Variants in FGF7 observed in about 807,000 individuals in gnomAD.
FGF7 encodes fibroblast growth factor 7.
Under a neutral mutation model 20.5 loss-of-function variants are expected in FGF7, and 6 were observed. The observed-to-expected ratio is 0.29, with a 90% CI of 0.16 to 0.58. The LOEUF is 0.58. FGF7 is among the 20% of genes least tolerant of loss of function. The probability of loss-of-function intolerance (pLI) is 0.90; values close to 1 mark genes in which losing one functional copy is unlikely to be tolerated. For synonymous variants in FGF7, 64 were observed against 74.7 expected (o/e 0.86, Z 0.74); for missense variants, 144 against 228.8 (o/e 0.63, Z 2.39).
intron 2 of FGF7, among the ~76,000 whole-genome samples, chr15:49,479,700 G>A (rs540654520): frequency 5.5e-5 from 7 of 127,168 alleles, no homozygotes; most frequent in African/African-American, 1.7e-4. Context: ...TGCAACCTCC[G>A]CCTCCCAGGT....
chr15:49,432,020 C>T (rs529842255), intron 2 of FGF7, among the ~76,000 whole-genome samples: 20 of 151,428 alleles, frequency 1.3e-4, no homozygotes, highest in Non-Finnish European at 2.2e-4. Context: ...GATTTTGTGC[C>T]GAAAACTGTA....
At chr15:49,476,239 T>C (rs1597439857) in intron 2 of FGF7, among the ~76,000 whole-genome samples, 1 of 149,344 alleles carries the variant, frequency 6.7e-6, no homozygotes, top group Admixed American at 6.7e-5. Context: ...TTGGTTTTTT[T>C]TTTTTTGCAT....
intron 2 of FGF7, among the ~76,000 whole-genome samples, chr15:49,479,699 C>T (rs1369646215): frequency 4.6e-4 from 69 of 149,498 alleles, no homozygotes; most frequent in African/African-American, 1.6e-3. Context: ...CTGCAACCTC[C>T]GCCTCCCAGG....
Position 49,476,232 on chromosome 15 carries a change from GT to G in FGF7, c.287-6906del. 7.8e-4 allele frequency among the ~76,000 whole-genome samples: 45 copies of G among 57,442 alleles called. 1 individual carries two copies. Among genetic ancestry groups the G allele is most frequent in the Middle Eastern group, 9.8e-3 (1 of 102 alleles). The allele number at this position is 57,442 out of a possible 152,430, so 37.7% of individuals were successfully genotyped here. On this transcript the variant is annotated intron_variant, in intron 2 of 3. Transcript: ENST00000267843. The stretch of plus-strand genomic sequence containing the variant: ...TTGCTGTTTTGTTTTTTTGTTTTTG[GT>G]TTTTTTTTTTTTGCATTTGGCATAT...
rs1223453078 is a variant in FGF7 at position 49,487,535 on chromosome 15, A to G, written c.*3031A>G. Reference sequence around the variant, plus strand: ...CTGGAGGTAAATTCTTAGGGTTTCTATCTCATAGAGTTTGCTCTTCTGGTT... The same window carrying G: ...CTGGAGGTAAATTCTTAGGGTTTCTGTCTCATAGAGTTTGCTCTTCTGGTT... On this transcript the variant is annotated 3_prime_UTR_variant, in exon 4 of 4. Coordinates refer to ENST00000267843, the MANE Select transcript of FGF7 (RefSeq NM_002009.4). 6.6e-6 allele frequency: 1 copy of G among 152,028 alleles called. No homozygotes were observed. Among genetic ancestry groups the G allele is most frequent in the East Asian group, 1.9e-4 (1 of 5,180 alleles). 9.4% of individuals were successfully genotyped at this position (152,028 alleles called of 1,614,324 possible).
intron 2 of FGF7, among the ~76,000 whole-genome samples, chr15:49,432,500 T>C (rs1268094796): frequency 6.6e-6 from 1 of 151,692 alleles, no homozygotes; most frequent in Non-Finnish European, 1.5e-5. Flanking sequence ...ACACTCCTCC[T>C]CTCCCTCACC....
intron 2 of FGF7, among the ~76,000 whole-genome samples, chr15:49,443,911 T>C (rs572641684): frequency 1.5e-5 from 2 of 136,658 alleles, no homozygotes; most frequent in South Asian, 4.6e-4. Context: ...TGTACACTTT[T>C]TTTCCCTGAG....
intron 2 of FGF7, among the ~76,000 whole-genome samples, chr15:49,469,158 A>G (rs1252991306): frequency 6.6e-6 from 1 of 152,164 alleles, no homozygotes; most frequent in Non-Finnish European, 1.5e-5. Flanking sequence ...TAAATGTAAA[A>G]TGGTACTTGA....
intron 2 of FGF7, among the ~76,000 whole-genome samples, chr15:49,469,994 G>C (rs2054592129): frequency 6.6e-6 from 1 of 152,066 alleles, no homozygotes. Context: ...TTAGAGGATG[G>C]CATTAAATAG....
chr15:49,463,136 G>T (rs1215974161), intron 2 of FGF7, among the ~76,000 whole-genome samples: 2 of 152,178 alleles, frequency 1.3e-5, no homozygotes, highest in African/African-American at 4.8e-5. Context: ...GCCTCCATCA[G>T]CTCCTGCTTA....
At chr15:49,443,033 G>A (rs1171918515) in intron 2 of FGF7, among the ~76,000 whole-genome samples, 1 of 151,680 alleles carries the variant, frequency 6.6e-6, no homozygotes, top group East Asian at 1.9e-4. Flanking sequence ...CATATTAAGT[G>A]TTTGAAAATA....
At position 49,476,635 on chromosome 15, in the gene FGF7, CATAA is replaced by C. The variant is rs200945867; in HGVS notation, c.287-6507_287-6504del. On this transcript the variant is annotated intron_variant, in intron 2 of 3. Transcript: ENST00000267843. Reference sequence around the variant, plus strand: ...TCACATATGTTCTATATATTTTGGACATAAATAAATAATGTAAAATGTCGGTACA... The same window carrying C: ...TCACATATGTTCTATATATTTTGGACATAAATAATGTAAAATGTCGGTACA... Among the ~76,000 whole-genome samples, 1,289 of 152,144 alleles carry C rather than the reference CATAA, an allele frequency of 8.5e-3. 28 individuals carry two copies. Among genetic ancestry groups the C allele is most frequent in the South Asian group, 0.071 (343 of 4,818 alleles).
chr15:49,448,862 A>T (rs1004325262), intron 2 of FGF7, among the ~76,000 whole-genome samples: 5 of 151,838 alleles, frequency 3.3e-5, no homozygotes, highest in Admixed American at 2.6e-4. Flanking sequence ...TTTCTTTAGC[A>T]GTCGATTCCA....
intron 2 of FGF7, among the ~76,000 whole-genome samples, 183 bp from the exon 3 acceptor site, chr15:49,482,968 T>C (rs1011521703): frequency 1.1e-4 from 16 of 152,096 alleles, no homozygotes; most frequent in Admixed American, 3.3e-4. Flanking sequence ...ACTTCCCTTA[T>C]ATAATGACTA....
intron 2 of FGF7, among the ~76,000 whole-genome samples, chr15:49,479,599 G>GTTTTTTTTTTTTTTTTTTTT (rs56097665): frequency 4.7e-5 from 3 of 63,292 alleles, no homozygotes; most frequent in African/African-American, 1.9e-4. Context: ...TAATACCTCT[G>GTTTTTTTTTTTTTTTTTTTT]TTTTTTTTTT....
In FGF7 at chr15:49,424,141, TA is replaced by T; in HGVS notation, c.-153del. The T allele has an allele frequency of 1.7e-6, 1 of 603,080 alleles. No individual in the cohort carries two copies. Among genetic ancestry groups the T allele is most frequent in the Non-Finnish European group, 2.9e-6 (1 of 348,954 alleles). The allele number at this position is 603,080 out of a possible 1,614,324, so 37.4% of individuals were successfully genotyped here. On this transcript the variant is annotated 5_prime_UTR_variant, in exon 2 of 4. An upstream open reading frame in the 5' UTR gains an earlier in-frame stop. Transcript: ENST00000267843. ...GGAATCCTGTGTTGTTATCAGGAACTAAAAGGATAAGGCTAACAATTTGGAA... is the reference window on the plus strand; with the variant it reads ...GGAATCCTGTGTTGTTATCAGGAACTAAAGGATAAGGCTAACAATTTGGAA...
intron 2 of FGF7, among the ~76,000 whole-genome samples, chr15:49,446,295 T>C (rs1340178611): frequency 6.6e-6 from 1 of 151,542 alleles, no homozygotes; most frequent in Non-Finnish European, 1.5e-5. Context: ...AAGATTTAAA[T>C]TAGTGCAGTT....
intron 2 of FGF7, among the ~76,000 whole-genome samples, chr15:49,445,045 A>G (rs2052056487): frequency 6.6e-6 from 1 of 151,562 alleles, no homozygotes; most frequent in African/African-American, 2.4e-5. Context: ...CCTAATTATT[A>G]TATAGATTTC....
At chr15:49,433,600 C>A (rs188954064) in intron 2 of FGF7, among the ~76,000 whole-genome samples, 22 of 151,618 alleles carry the variant, frequency 1.5e-4, no homozygotes, top group Non-Finnish European at 2.2e-4. Flanking sequence ...AAAAAATGGC[C>A]TCCAGAACCA....
Sources: allele counts gnomAD v4.1 joint callset (sites outside exome capture counted in the v4.1 genomes callset), GRCh38; gene constraint gnomAD v4.1.1; transcripts MANE v1.5; gene names NCBI Gene and HGNC (gene_info 2026-07-23, HGNC 2026-07-21).